ARHGAP26: variants seen among roughly 807,000 people sequenced by gnomAD.
ARHGAP26 encodes the protein Rho GTPase activating protein 26.
A neutral mutation model predicts 104.8 loss-of-function variants in ARHGAP26; 38 were observed. That is an observed-to-expected ratio of 0.36 (90% CI 0.28 to 0.48). ARHGAP26 has a LOEUF of 0.48. ARHGAP26 is among the 20% of genes least tolerant of loss of function. ARHGAP26 has a pLI of 0.99. For synonymous variants in ARHGAP26, 341 were observed against 340.0 expected (o/e 1.00, Z -0.03); for missense variants, 704 against 947.9 (o/e 0.74, Z 3.38).
chr5:142,854,612 C>G (rs544679432), intron 1 of ARHGAP26, among the ~76,000 whole-genome samples: 1 of 152,250 alleles, frequency 6.6e-6, no homozygotes, highest in Admixed American at 6.5e-5. Flanking sequence ...TTGACTTGTT[C>G]TTGGAGATTA....
intron 21 of ARHGAP26, among the ~76,000 whole-genome samples, chr5:143,212,687 T>C (rs1007247161): frequency 6.6e-6 from 1 of 152,180 alleles, no homozygotes; most frequent in African/African-American, 2.4e-5. Context: ...AAATTCGAGA[T>C]AACCATTTAC....
chr5:143,199,830 TC>T (rs1807433421), intron 20 of ARHGAP26, among the ~76,000 whole-genome samples: 1 of 152,226 alleles, frequency 6.6e-6, no homozygotes, highest in African/African-American at 2.4e-5. Flanking sequence ...CTCAGGCCCT[TC>T]CTTGTGTGCC....
At chr5:143,150,891 A>G (rs866673030) in intron 20 of ARHGAP26, among the ~76,000 whole-genome samples, 3 of 152,246 alleles carry the variant, frequency 2.0e-5, no homozygotes, top group Middle Eastern at 3.2e-3. Flanking sequence ...CAACGTTAAA[A>G]GTATAATCTG....
At chr5:142,816,040 C>T (rs146566095) in intron 1 of ARHGAP26, among the ~76,000 whole-genome samples, 222 of 152,120 alleles carry the variant, frequency 1.5e-3, no homozygotes, top group African/African-American at 5.1e-3. Flanking sequence ...TGAAGCCGTC[C>T]ACCCGCCTGG....
intron 20 of ARHGAP26, chr5:143,192,617 C>G (rs891914703): frequency 5.3e-5 from 8 of 152,132 alleles, no homozygotes; most frequent in African/African-American, 1.9e-4. Context: ...CTTGGAGACC[C>G]CTGGGGACTT....
At chr5:143,002,646 A>T (rs944764300) in intron 11 of ARHGAP26, among the ~76,000 whole-genome samples, 1 of 152,198 alleles carries the variant, frequency 6.6e-6, no homozygotes, top group African/African-American at 2.4e-5. Flanking sequence ...ACTGTCATGC[A>T]CTTGATAGCA....
chr5:142,937,780 G>T (rs921155657), intron 11 of ARHGAP26, among the ~76,000 whole-genome samples: 1 of 147,958 alleles, frequency 6.8e-6, no homozygotes, highest in Non-Finnish European at 1.5e-5. Context: ...AAATGAAAAA[G>T]GCCAGTCTCA....
intron 17 of ARHGAP26, among the ~76,000 whole-genome samples, chr5:143,109,188 G>A (rs751085528): frequency 8.9e-5 from 13 of 146,626 alleles, no homozygotes; most frequent in Non-Finnish European, 1.7e-4. Context: ...CCTGCTCTAC[G>A]CCCCAGTTCA....
chr5:143,205,426 A>T (rs534017997), intron 20 of ARHGAP26, among the ~76,000 whole-genome samples: 2 of 152,134 alleles, frequency 1.3e-5, no homozygotes, highest in African/African-American at 4.8e-5. Context: ...TGGAGGCAGG[A>T]TTGGGGATTT....
intron 12 of ARHGAP26, among the ~76,000 whole-genome samples, chr5:143,027,688 A>C (rs1781262823): frequency 2.6e-5 from 4 of 152,238 alleles, no homozygotes; most frequent in Admixed American, 2.6e-4. Flanking sequence ...CCATATGCCA[A>C]AGTGGAACAA....
chr5:142,930,079 A>G (rs1261946995), intron 10 of ARHGAP26, among the ~76,000 whole-genome samples: 1 of 152,176 alleles, frequency 6.6e-6, no homozygotes, highest in Non-Finnish European at 1.5e-5. Flanking sequence ...TGGAATCTCC[A>G]TGTTAAGGGA....
intron 1 of ARHGAP26, among the ~76,000 whole-genome samples, chr5:142,850,373 C>T (rs1561948487): frequency 6.7e-6 from 1 of 149,728 alleles, no homozygotes; most frequent in Non-Finnish European, 1.5e-5. Flanking sequence ...ATTACAGATG[C>T]TCTCTCTCTC....
intron 19 of ARHGAP26, among the ~76,000 whole-genome samples, chr5:143,135,253 C>T (rs748362782): frequency 1.4e-4 from 22 of 152,188 alleles, no homozygotes; most frequent in Non-Finnish European, 2.5e-4. Flanking sequence ...GCCCCATTCT[C>T]CTTTTCTGCA....
chr5:142,790,909 A>G (rs1239021649), intron 1 of ARHGAP26, among the ~76,000 whole-genome samples: 4 of 151,956 alleles, frequency 2.6e-5, no homozygotes, highest in African/African-American at 9.7e-5. Context: ...AGTAGTCTTT[A>G]TGGTACTTCT....
chr5:143,214,129 G>GCCCCCCCCC, intron 22 of ARHGAP26, 41 bp downstream of exon 22: 1 of 293,868 alleles, frequency 3.4e-6, no homozygotes, highest in East Asian at 8.5e-5. Flanking sequence ...GGCGGGGGGC[G>GCCCCCCCCC]GGGGCAAGGG....
intron 4 of ARHGAP26, among the ~76,000 whole-genome samples, chr5:142,880,334 A>G (rs1328374402): frequency 6.6e-6 from 1 of 152,174 alleles, no homozygotes; most frequent in East Asian, 1.9e-4. Context: ...GCTGGCCAAT[A>G]TGGCGAAACC....
intron 17 of ARHGAP26, among the ~76,000 whole-genome samples, chr5:143,104,665 T>G (rs1793742973): frequency 6.6e-6 from 1 of 152,230 alleles, no homozygotes; most frequent in South Asian, 2.1e-4. Flanking sequence ...GGAAACAATC[T>G]GACTGTCCAA....
At chr5:142,838,469 T>A (rs1205557186) in intron 1 of ARHGAP26, among the ~76,000 whole-genome samples, 2 of 152,352 alleles carry the variant, frequency 1.3e-5, no homozygotes, top group African/African-American at 4.8e-5. Flanking sequence ...AATGCAGGTA[T>A]GAGGTCAGGT....
chr5:143,067,870 C>T (rs927748716), intron 17 of ARHGAP26, among the ~76,000 whole-genome samples: 3 of 152,140 alleles, frequency 2.0e-5, no homozygotes, highest in African/African-American at 7.2e-5. Context: ...TAATTTAAAA[C>T]ATAAAAACAG....
Sources: allele counts gnomAD v4.1 joint callset (sites outside exome capture counted in the v4.1 genomes callset), GRCh38; gene constraint gnomAD v4.1.1; transcripts MANE v1.5; gene names NCBI Gene and HGNC (gene_info 2026-07-23, HGNC 2026-07-21).